The following SNX13 variants were observed in gnomAD, a reference collection of about 807,000 sequenced individuals.
SNX13 encodes sorting nexin-13.
SNX13 carries 45 observed loss-of-function variants against 133.6 expected under a neutral mutation model. That is an observed-to-expected ratio of 0.34 (90% confidence interval 0.27 to 0.43). The LOEUF (loss-of-function observed/expected upper bound fraction) is 0.43. Ranked by LOEUF, SNX13 falls within the 20% of genes least tolerant of loss-of-function variation. The pLI is 1.00. For missense variants in SNX13, 1,032 were observed against 1,145.1 expected (o/e 0.90, Z 1.43); for synonymous variants, 414 against 373.9 (o/e 1.11, Z -1.24).
At chr7:17,911,167 G>C (rs1798938447) in intron 1 of SNX13, among the ~76,000 whole-genome samples, 1 of 152,108 alleles carries the variant, frequency 6.6e-6, no homozygotes, top group South Asian at 2.1e-4. Flanking sequence ...TCCAAGCCAT[G>C]GTTTCTTCAT....
intron 9 of SNX13, among the ~76,000 whole-genome samples, chr7:17,852,542 A>C (rs1791357053): frequency 6.6e-6 from 1 of 152,218 alleles, no homozygotes; most frequent in Admixed American, 6.5e-5. Flanking sequence ...GAGGAGTTCA[A>C]GAAAGAAAGA....
chr7:17,833,412 G>T (rs1025765288), intron 15 of SNX13, among the ~76,000 whole-genome samples: 1 of 151,638 alleles, frequency 6.6e-6, no homozygotes, highest in Non-Finnish European at 1.5e-5. Flanking sequence ...GAAAAATGAG[G>T]CTTGAAGAAT....
intron 1 of SNX13, among the ~76,000 whole-genome samples, chr7:17,913,249 T>G (rs1368442976): frequency 6.6e-6 from 1 of 152,142 alleles, no homozygotes; most frequent in Admixed American, 6.5e-5. Context: ...GGAATGAACT[T>G]GAAGAGGGGG....
chr7:17,900,932 C>T (rs527848741), intron 1 of SNX13, among the ~76,000 whole-genome samples: 1 of 152,108 alleles, frequency 6.6e-6, no homozygotes, highest in South Asian at 2.1e-4. Context: ...CATCTAAAGC[C>T]AGCATGTCTC....
intron 20 of SNX13, among the ~76,000 whole-genome samples, chr7:17,808,468 C>T (rs1785583318): frequency 6.6e-6 from 1 of 152,114 alleles, no homozygotes; most frequent in Non-Finnish European, 1.5e-5. Context: ...AAAGACCAAA[C>T]CTAAGTTTGA....
intron 1 of SNX13, among the ~76,000 whole-genome samples, chr7:17,938,772 T>C (rs1333241541): frequency 6.6e-6 from 1 of 152,198 alleles, no homozygotes; most frequent in African/African-American, 2.4e-5. Flanking sequence ...TAAGCTAAGT[T>C]TAAGGAAAAG....
intron 9 of SNX13, among the ~76,000 whole-genome samples, chr7:17,864,435 A>G (rs1793113512): frequency 6.6e-6 from 1 of 152,180 alleles, no homozygotes; most frequent in South Asian, 2.1e-4. Context: ...GGAAGAACCG[A>G]GCTAAGACAG....
intron 15 of SNX13, 184 bp from the exon 16 acceptor site, chr7:17,830,231 C>A (rs73081336): frequency 1.0e-6 from 1 of 975,450 alleles, no homozygotes; most frequent in Non-Finnish European, 1.2e-6. Flanking sequence ...CCATGGTTTT[C>A]TAAGACAGGC....
Position 17,875,712 on chromosome 7 carries a change from T to A in SNX13, c.519A>T (p.Arg173Ser), listed in dbSNP as rs1377692656. Residue 173 changes from arginine (R) to serine (S), a missense_variant, in exon 6 of 26, where the codon AGA becomes AGT. Coordinates refer to ENST00000428135, the MANE Select transcript of SNX13 (RefSeq NM_015132.5). ...DDFGTHLRVF[R>S]KAQQKITEKD... ...TCTCTGTTATTTTCTGTTGAGCCTT[T>A]CTGAATACTCGTAAGTGTGTGCCAA... is the stretch of plus-strand genomic sequence containing the variant. The A allele has an allele frequency of 6.2e-7, 1 of 1,612,286 alleles. No individual in the cohort carries two copies. The highest frequency in any genetic ancestry group is 8.5e-7 in the Non-Finnish European group (1 of 1,178,990).
chr7:17,859,572 TTTAAG>T (rs1373201357), intron 9 of SNX13, among the ~76,000 whole-genome samples: 3 of 152,084 alleles, frequency 2.0e-5, no homozygotes, highest in South Asian at 2.1e-4. Flanking sequence ...CCTTAAACAA[TTTAAG>T]TTAACAGTGG....
chr7:17,811,539 G>A (rs957138184), intron 20 of SNX13, among the ~76,000 whole-genome samples: 4 of 152,142 alleles, frequency 2.6e-5, no homozygotes, highest in Non-Finnish European at 4.4e-5. Context: ...TCATGGATAG[G>A]AAGAATCAAT....
intron 1 of SNX13, chr7:17,900,048 G>A (rs900113350): frequency 6.6e-6 from 1 of 152,180 alleles, no homozygotes; most frequent in African/African-American, 2.4e-5. Flanking sequence ...GCCTACTAAT[G>A]TTGTGGCTCT....
At chr7:17,883,757 T>C (rs1212919751) in intron 5 of SNX13, among the ~76,000 whole-genome samples, 1 of 151,704 alleles carries the variant, frequency 6.6e-6, no homozygotes, top group Non-Finnish European at 1.5e-5. Context: ...TTCCCCTCCC[T>C]GTGTCCATGT....
intron 24 of SNX13, among the ~76,000 whole-genome samples, chr7:17,797,343 T>C (rs893089432): frequency 3.3e-5 from 5 of 151,830 alleles, no homozygotes; most frequent in African/African-American, 9.7e-5. Context: ...CCTTCAGTTA[T>C]GCCATCCCAC....
chr7:17,799,223 T>C (rs1430918761), intron 22 of SNX13, 69 bp from the exon 23 acceptor site: 6 of 1,292,398 alleles, frequency 4.6e-6, no homozygotes, highest in South Asian at 3.4e-5. Flanking sequence ...CTTTTGTTGC[T>C]TTTACGAAAT....
chr7:17,881,195 T>C (rs892594757), intron 5 of SNX13: 2 of 151,730 alleles, frequency 1.3e-5, no homozygotes, highest in Admixed American at 6.6e-5. Flanking sequence ...GAGTATACTA[T>C]ATACTGCATA....
intron 15 of SNX13, among the ~76,000 whole-genome samples, chr7:17,833,207 T>C (rs1043846509): frequency 6.6e-6 from 1 of 151,658 alleles, no homozygotes; most frequent in Non-Finnish European, 1.5e-5. Flanking sequence ...TTAATGATCA[T>C]TGGGCCTAAG....
intron 1 of SNX13, among the ~76,000 whole-genome samples, chr7:17,912,824 C>A (rs1799136361): frequency 6.6e-6 from 1 of 152,120 alleles, no homozygotes. Context: ...AAGCACTTGC[C>A]CTGGAGTGGG....
At chr7:17,893,642 A>G (rs2127995276) in intron 2 of SNX13, among the ~76,000 whole-genome samples, 1 of 152,296 alleles carries the variant, frequency 6.6e-6, no homozygotes, top group East Asian at 1.9e-4. Context: ...TTATACAATA[A>G]TACTTTTTAA....
Sources: allele counts gnomAD v4.1 joint callset (sites outside exome capture counted in the v4.1 genomes callset), GRCh38; gene constraint gnomAD v4.1.1; transcripts MANE v1.5; gene names NCBI Gene and HGNC (gene_info 2026-07-23, HGNC 2026-07-21).